Variants in HNRNPR observed in about 807,000 individuals in gnomAD.
The protein encoded by HNRNPR is heterogeneous nuclear ribonucleoprotein R.
Under a neutral mutation model 70.3 loss-of-function variants are expected in HNRNPR, and 4 were observed. The ratio of observed to expected loss-of-function variants is 0.06; its 90% CI spans 0.03 to 0.13. HNRNPR has a LOEUF of 0.13. Ranked by LOEUF, HNRNPR falls within the 10% of genes least tolerant of loss-of-function variation. HNRNPR has a pLI of 1.00. For synonymous variants in HNRNPR, 241 were observed against 267.6 expected, an observed-to-expected ratio of 0.90 and a Z score of 0.97; for missense variants, 423 against 788.5, an observed-to-expected ratio of 0.54 and a Z score of 5.55.
At chr1:23,340,811 C>T in intron 2 of HNRNPR, 41 bp downstream of exon 2, 1 of 1,520,462 alleles carries the variant, frequency 6.6e-7, no homozygotes, top group Non-Finnish European at 8.9e-7. Flanking sequence ...GGTTTGCCCT[C>T]ACTTTCATAA....
At chr1:23,333,788 CAT>C (rs1433682532) in intron 4 of HNRNPR, among the ~76,000 whole-genome samples, 157 bp from the exon 5 acceptor site, 1 of 152,170 alleles carries the variant, frequency 6.6e-6, no homozygotes, top group African/African-American at 2.4e-5. Flanking sequence ...GTTCCCCATA[CAT>C]GTTTCTACTG....
At chr1:23,343,248 T>A (rs900172242) in intron 1 of HNRNPR, among the ~76,000 whole-genome samples, 6 of 152,188 alleles carry the variant, frequency 3.9e-5, no homozygotes, top group African/African-American at 1.2e-4. Context: ...ATTCGGGATG[T>A]CAGCACTAAC....
At chr1:23,325,614 C>T (rs544772409) in intron 5 of HNRNPR, among the ~76,000 whole-genome samples, 1 of 152,234 alleles carries the variant, frequency 6.6e-6, no homozygotes, top group South Asian at 2.1e-4. Context: ...TCACTTCTAT[C>T]GCACCTCAGA....
At chr1:23,312,958 T>C (rs1419574194) in intron 9 of HNRNPR, among the ~76,000 whole-genome samples, 2 of 152,184 alleles carry the variant, frequency 1.3e-5, no homozygotes, top group Non-Finnish European at 2.9e-5. Flanking sequence ...AAGCAGGTTT[T>C]GTGTTCCAGA....
At position 23,338,559 on chromosome 1, in the gene HNRNPR, C is replaced by T. The variant is rs1646590906; in HGVS notation, c.207G>A (p.Arg69=). ...ACAGAGCTCCTTCTTCATTAAATTCCCTGAGAGCATCAATTGCTCTTTCAT... is the reference window on the plus strand; with the variant it reads ...ACAGAGCTCCTTCTTCATTAAATTCTCTGAGAGCATCAATTGCTCTTTCAT... The part of the protein sequence containing the change: ...DLDERAIDAL[R]EFNEEGALSV... Residue 69 remains arginine (R), a synonymous_variant, in exon 3 of 11, where the codon AGG becomes AGA. Coordinates refer to ENST00000302271, the MANE Select transcript of HNRNPR (RefSeq NM_005826.5). 1.2e-6 allele frequency: 2 copies of T among 1,600,394 alleles called. No individual in the cohort carries two copies. The highest frequency in any genetic ancestry group is 1.7e-5 in the Admixed American group (1 of 57,610).
chr1:23,322,575 G>A (rs1040117672), intron 6 of HNRNPR, among the ~76,000 whole-genome samples: 5 of 152,212 alleles, frequency 3.3e-5, no homozygotes, highest in African/African-American at 7.2e-5. Flanking sequence ...TTAACCATTA[G>A]TTTACTAAGA....
chr1:23,337,980 C>T, intron 3 of HNRNPR, 119 bp from the exon 4 acceptor site: 1 of 686,494 alleles, frequency 1.5e-6, no homozygotes, highest in Non-Finnish European at 2.5e-6. Context: ...CTGATTCATT[C>T]AACAAGTATT....
chr1:23,337,865 G>A lies in HNRNPR; in HGVS notation c.277-4C>T, dbSNP rs772357050. 2.0e-6 allele frequency: 3 copies of A among 1,529,640 alleles called. No homozygotes were observed. The highest frequency in any genetic ancestry group is 2.3e-5 in the East Asian group (1 of 44,242). The allele number at this position is 1,529,640 out of a possible 1,614,324, so 94.8% of individuals were successfully genotyped here. On this transcript the variant is annotated splice_polypyrimidine_tract_variant and splice_region_variant and intron_variant, in intron 3 of 10. Transcript: ENST00000302271. ...CACATAAAAATGCACTTTTGTTCTA[G>A]AACAGACAAGTAATTCAATAAAAAG...
At chr1:23,338,432 T>C (rs895030509) in intron 3 of HNRNPR, 58 bp downstream of exon 3, 32 of 663,528 alleles carry the variant, frequency 4.8e-5, no homozygotes, top group Admixed American at 2.1e-4. Context: ...AAAAAAGTAA[T>C]AGTAAAATAA....
chr1:23,322,873 A>G (rs1327503056), intron 6 of HNRNPR, among the ~76,000 whole-genome samples: 1 of 152,228 alleles, frequency 6.6e-6, no homozygotes, highest in Admixed American at 6.5e-5. Context: ...TGTCTTAAAT[A>G]CAGCAGGAGT....
intron 5 of HNRNPR, among the ~76,000 whole-genome samples, chr1:23,330,004 A>G (rs1049197406): frequency 3.3e-5 from 5 of 152,190 alleles, no homozygotes; most frequent in East Asian, 1.9e-4. Context: ...TCTTGCAAAT[A>G]TATCAGTTTC....
At chr1:23,333,986 T>C (rs1002882933) in intron 4 of HNRNPR, among the ~76,000 whole-genome samples, 6 of 152,148 alleles carry the variant, frequency 3.9e-5, no homozygotes, top group African/African-American at 1.4e-4. Flanking sequence ...TCGTCTCGGC[T>C]CACTGCAACC....
In HNRNPR at chr1:23,306,960, T is replaced by C. The variant is rs1645211636; in HGVS notation, c.*3494A>G. 6.6e-6 allele frequency: 1 copy of C among 152,216 alleles called. No individual in the cohort carries two copies. Among genetic ancestry groups the C allele is most frequent in the Non-Finnish European group, 1.5e-5 (1 of 68,026 alleles). 9.4% of individuals were successfully genotyped at this position (152,216 alleles called of 1,614,324 possible). ...TCTTAGAGAAACATAAACACACTTA[T>C]AAATCCAGTGTAGTCTTTCTATAAG... On this transcript the variant is annotated 3_prime_UTR_variant, in exon 11 of 11. Coordinates refer to ENST00000302271, the MANE Select transcript of HNRNPR (RefSeq NM_005826.5).
At chr1:23,328,340 C>T (rs1242559766) in intron 5 of HNRNPR, among the ~76,000 whole-genome samples, 1 of 152,154 alleles carries the variant, frequency 6.6e-6, no homozygotes, top group East Asian at 1.9e-4. Context: ...GCTGACTGGT[C>T]AGGTGAACAG....
chr1:23,341,487 G>A lies in HNRNPR; in HGVS notation c.-9-470C>T, dbSNP rs1011544368. 9.2e-5 allele frequency among the ~76,000 whole-genome samples: 14 copies of A among 152,114 alleles called. No homozygotes were observed. The East Asian group carries it at 2.3e-3, about 25-fold the overall frequency. On this transcript the variant is annotated intron_variant, in intron 1 of 10. Transcript: ENST00000302271. ...CTGGCTCTGCTTCAAATACAGTATCGGTGTGAAATAAGTGCCCTGTTTTCT... is the reference window on the plus strand; with the variant it reads ...CTGGCTCTGCTTCAAATACAGTATCAGTGTGAAATAAGTGCCCTGTTTTCT...
intron 2 of HNRNPR, among the ~76,000 whole-genome samples, chr1:23,340,322 A>G (rs960037726): frequency 3.9e-5 from 6 of 152,078 alleles, no homozygotes; most frequent in Non-Finnish European, 8.8e-5. Context: ...AAAAAAAAAA[A>G]AAGAAGCAGC....
At position 23,333,476 on chromosome 1, in the gene HNRNPR, C is replaced by A. The variant is rs763732129; in HGVS notation, c.498+42G>T. ...ATCTGCATAGTAGATAAAACACTTT[C>A]CAAACTGGAAAGATCTTGGTAAACT... is the stretch of plus-strand genomic sequence containing the variant. On this transcript the variant is annotated intron_variant, in intron 5 of 10. Transcript: ENST00000302271. 3.1e-6 allele frequency: 4 copies of A among 1,288,426 alleles called. No individual in the cohort carries two copies. The East Asian group carries it at 6.9e-5, about 22-fold the overall frequency. 79.8% of individuals were successfully genotyped at this position (1,288,426 alleles called of 1,614,324 possible).
intron 8 of HNRNPR, among the ~76,000 whole-genome samples, chr1:23,317,805 T>C (rs1207127346): frequency 2.0e-5 from 3 of 151,446 alleles, no homozygotes; most frequent in Non-Finnish European, 4.4e-5. Context: ...TATGGTGAAA[T>C]GCTGTCTCTA....
At chr1:23,329,304 A>G (rs1646124814) in intron 5 of HNRNPR, among the ~76,000 whole-genome samples, 1 of 152,236 alleles carries the variant, frequency 6.6e-6, no homozygotes, top group Non-Finnish European at 1.5e-5. Context: ...TTAAAAGGCT[A>G]AAGTTTTCAA....
Sources: allele counts gnomAD v4.1 joint callset (sites outside exome capture counted in the v4.1 genomes callset), GRCh38; gene constraint gnomAD v4.1.1; transcripts MANE v1.5; gene names NCBI Gene and HGNC (gene_info 2026-07-23, HGNC 2026-07-21).